Variants in RYR2 observed in about 807,000 individuals in gnomAD.
RYR2 encodes the protein ryanodine receptor 2.
In RYR2, 227 loss-of-function variants were observed where a neutral mutation model predicts 601.1. That is an observed-to-expected ratio of 0.38 (90% CI 0.34 to 0.42). The LOEUF is 0.42. Among genes scored for constraint, RYR2 ranks in the 10% least tolerant of loss-of-function variants. The pLI, the probability that RYR2 is intolerant of heterozygous loss-of-function variation, is 1.00. For missense variants in RYR2, 4,646 were observed against 6,156.5 expected, an observed-to-expected ratio of 0.75 and a Z score of 8.21; for synonymous variants, 2,223 against 2,175.1, an observed-to-expected ratio of 1.02 and a Z score of -0.61.
chr1:237,073,866 T>TAA (rs71178385), intron 1 of RYR2, among the ~76,000 whole-genome samples: 2,584 of 123,120 alleles, frequency 0.021, 67 homozygotes, highest in Admixed American at 0.049. Flanking sequence ...GACTCCATCT[T>TAA]AAAAAAAAAA....
chr1:237,090,691 C>A (rs189552069), intron 1 of RYR2, among the ~76,000 whole-genome samples: 26 of 152,308 alleles, frequency 1.7e-4, no homozygotes, highest in African/African-American at 6.0e-4. Context: ...CTTTGGGTGT[C>A]CTTGGTTATA....
chr1:237,602,814 A>T (rs574735774), intron 35 of RYR2, among the ~76,000 whole-genome samples: 4 of 152,334 alleles, frequency 2.6e-5, no homozygotes, highest in Admixed American at 2.6e-4. Context: ...AATTTGAAGA[A>T]GGGGATTGAG....
intron 42 of RYR2, among the ~76,000 whole-genome samples, chr1:237,633,229 T>C (rs116234420): frequency 0.043 from 6,529 of 152,310 alleles, 160 homozygotes; most frequent in Non-Finnish European, 0.059. Flanking sequence ...ATCCATATTA[T>C]TCTAACAGAA....
intron 2 of RYR2, among the ~76,000 whole-genome samples, chr1:237,313,495 C>T (rs1484554442): frequency 6.6e-6 from 1 of 152,078 alleles, no homozygotes; most frequent in African/African-American, 2.4e-5. Flanking sequence ...AGGAAGGGAC[C>T]ACAAGCCAAG....
chr1:237,371,357 A>G (rs1016527010), intron 6 of RYR2, among the ~76,000 whole-genome samples: 3 of 151,648 alleles, frequency 2.0e-5, no homozygotes, highest in Non-Finnish European at 4.4e-5. Context: ...GAGTCTCACC[A>G]TCTTTCCTAA....
chr1:237,300,814 A>G (rs1164500070), intron 2 of RYR2, among the ~76,000 whole-genome samples: 4 of 152,082 alleles, frequency 2.6e-5, no homozygotes, highest in Admixed American at 6.6e-5. Context: ...GGGGATTCCA[A>G]TCTTCACTCC....
intron 62 of RYR2, among the ~76,000 whole-genome samples, chr1:237,686,658 C>T (rs1686420129): frequency 6.6e-6 from 1 of 152,090 alleles, no homozygotes; most frequent in South Asian, 2.1e-4. Flanking sequence ...GTTCAAGTGT[C>T]TGATCTGAGA....
At chr1:237,417,176 A>G in intron 11 of RYR2, 53 bp downstream of exon 11, 2 of 1,383,300 alleles carry the variant, frequency 1.4e-6, no homozygotes, top group Non-Finnish European at 2.1e-6. Flanking sequence ...CAAATAGCTC[A>G]GCGTTGTGCT....
intron 34 of RYR2, among the ~76,000 whole-genome samples, chr1:237,600,436 A>G (rs1044422568): frequency 1.3e-5 from 2 of 152,242 alleles, no homozygotes; most frequent in African/African-American, 4.8e-5. Context: ...TTTTCACCAT[A>G]TACAAAAATC....
Position 237,587,654 on chromosome 1 carries a change from C to T in RYR2, c.3599-2139C>T, listed in dbSNP as rs1352627103. Among the ~76,000 whole-genome samples, 4 of 152,024 alleles carry T rather than the reference C, an allele frequency of 2.6e-5. No individual in the cohort carries two copies. The East Asian group carries it at 7.7e-4, about 29-fold the overall frequency. On this transcript the variant is annotated intron_variant, in intron 29 of 104. Transcript: ENST00000366574. ...TCACGAAAAAAAGTATATTTATTAT[C>T]AAAACAGTATTCTAGAATTGTAAAC...
chr1:237,461,657 G>T (rs1209559089), intron 16 of RYR2, among the ~76,000 whole-genome samples: 2 of 151,128 alleles, frequency 1.3e-5, no homozygotes, highest in Admixed American at 1.3e-4. Flanking sequence ...GAAAAAAGTA[G>T]TTAACATATA....
intron 2 of RYR2, among the ~76,000 whole-genome samples, chr1:237,280,103 G>C (rs963486141): frequency 6.6e-6 from 1 of 151,916 alleles, no homozygotes; most frequent in Non-Finnish European, 1.5e-5. Flanking sequence ...CTTTATATTC[G>C]GTGACTTCTC....
chr1:237,794,916 T>G (rs2149391404), intron 95 of RYR2, among the ~76,000 whole-genome samples: 1 of 152,298 alleles, frequency 6.6e-6, no homozygotes, highest in South Asian at 2.1e-4. Context: ...AAAGAGATTT[T>G]TTTCTTCATG....
intron 80 of RYR2, among the ~76,000 whole-genome samples, chr1:237,754,270 G>T (rs1239984805): frequency 6.6e-6 from 1 of 151,936 alleles, no homozygotes; most frequent in East Asian, 1.9e-4. Context: ...TTTAAGCAAG[G>T]TAGTCTGAGA....
chr1:237,614,753 G>C lies in RYR2; in HGVS notation c.5625G>C (p.Leu1875=). ...AGCTCAGTGTGGACGATGCAAAGCT[G>C]CAAGGAGCTGGTGAGGAAGAAGCCA... The part of the protein sequence containing the change: ...EKELSVDDAK[L]QGAGEEEAKG... Residue 1875 remains leucine, a synonymous_variant, in exon 37 of 105, where the codon CTG becomes CTC. Coordinates refer to ENST00000366574, the MANE Select transcript of RYR2 (RefSeq NM_001035.3). This position sits in a 1 kb window ranked among gnomAD's most constrained non-coding sequence, Gnocchi z 4.3. The C allele has an allele frequency of 6.2e-7, 1 of 1,613,650 alleles. No individual in the cohort carries two copies. Among genetic ancestry groups the C allele is most frequent in the Non-Finnish European group, 8.5e-7 (1 of 1,179,572 alleles).
chr1:237,766,955 C>T, intron 84 of RYR2, among the ~76,000 whole-genome samples: 1 of 152,154 alleles, frequency 6.6e-6, no homozygotes, highest in Admixed American at 6.5e-5. Flanking sequence ...TGTCATACAA[C>T]CTACAGAAAT....
chr1:237,696,927 A>C (rs2149012835), intron 63 of RYR2, among the ~76,000 whole-genome samples: 1 of 152,222 alleles, frequency 6.6e-6, no homozygotes, highest in East Asian at 1.9e-4. Context: ...GCTCTTCCAG[A>C]ATTTCCCACA....
intron 5 of RYR2, among the ~76,000 whole-genome samples, chr1:237,368,488 A>G (rs957329052): frequency 2.6e-5 from 4 of 152,112 alleles, no homozygotes; most frequent in African/African-American, 9.7e-5. Flanking sequence ...GAGGCTAGAG[A>G]TGAGTGAGAC....
chr1:237,065,221 A>T (rs1386757175), intron 1 of RYR2, among the ~76,000 whole-genome samples: 1 of 151,434 alleles, frequency 6.6e-6, no homozygotes, highest in South Asian at 2.1e-4. Context: ...GACCACTGCA[A>T]TCAAGATACA....
Sources: allele counts gnomAD v4.1 joint callset (sites outside exome capture counted in the v4.1 genomes callset), GRCh38; gene constraint gnomAD v4.1.1; non-coding constraint Gnocchi (gnomAD v3.1); transcripts MANE v1.5; gene names NCBI Gene and HGNC (gene_info 2026-07-23, HGNC 2026-07-21).